PRKCA: variants seen among roughly 807,000 people sequenced by gnomAD.
PRKCA encodes protein kinase C alpha type.
In PRKCA, 27 loss-of-function variants were observed where a neutral mutation model predicts 87.0. The ratio of observed to expected loss-of-function variants is 0.31; its 90% CI spans 0.23 to 0.43. The LOEUF (loss-of-function observed/expected upper bound fraction) is 0.43. Ranked by LOEUF, PRKCA falls within the 20% of genes least tolerant of loss-of-function variation. The probability of loss-of-function intolerance (pLI) is 1.00; values close to 1 mark genes in which losing one functional copy is unlikely to be tolerated. For synonymous variants in PRKCA, 329 were observed against 311.1 expected (o/e 1.06, Z -0.61); for missense variants, 518 against 852.3 (o/e 0.61, Z 4.88).
At chr17:66,581,689 A>G (rs965765515) in intron 3 of PRKCA, among the ~76,000 whole-genome samples, 1 of 152,028 alleles carries the variant, frequency 6.6e-6, no homozygotes, top group Non-Finnish European at 1.5e-5. Context: ...TTTAGCCAGG[A>G]TGGTCTCAAT....
chr17:66,461,072 A>G (rs1056240879), intron 2 of PRKCA, among the ~76,000 whole-genome samples: 2 of 152,094 alleles, frequency 1.3e-5, no homozygotes, highest in East Asian at 3.9e-4. Flanking sequence ...CGGGTGTGAT[A>G]GTACACGCCT....
chr17:66,717,251 T>C (rs1973500548), intron 8 of PRKCA, among the ~76,000 whole-genome samples: 1 of 152,240 alleles, frequency 6.6e-6, no homozygotes, highest in African/African-American at 2.4e-5. Context: ...AAGGCTTTAT[T>C]GGAACACCTT....
intron 3 of PRKCA, among the ~76,000 whole-genome samples, chr17:66,508,231 C>T (rs899551048): frequency 4.6e-5 from 7 of 152,142 alleles, no homozygotes; most frequent in Non-Finnish European, 7.4e-5. Flanking sequence ...GTGGGAAGGT[C>T]CATTCTAATT....
At chr17:66,777,614 C>G (rs957673272) in intron 14 of PRKCA, 5 of 985,304 alleles carry the variant, frequency 5.1e-6, no homozygotes, top group Non-Finnish European at 6.0e-6. Flanking sequence ...TTACAGGCCC[C>G]CTAAGAGTCC....
At chr17:66,647,542 G>A (rs895025887) in intron 5 of PRKCA, among the ~76,000 whole-genome samples, 2 of 152,342 alleles carry the variant, frequency 1.3e-5, no homozygotes, top group African/African-American at 4.8e-5. Context: ...AATAAAAGCA[G>A]CAACCATATG....
intron 2 of PRKCA, among the ~76,000 whole-genome samples, chr17:66,434,614 A>G (rs1162789745): frequency 1.3e-5 from 2 of 150,084 alleles, no homozygotes; most frequent in Non-Finnish European, 3.0e-5. Flanking sequence ...CTGGAAGCAC[A>G]GAGCCAGATG....
chr17:66,777,571 T>C (rs1975087650), intron 14 of PRKCA: 1 of 984,878 alleles, frequency 1.0e-6, no homozygotes, highest in African/African-American at 1.8e-5. Flanking sequence ...TTTCCCCCTC[T>C]TTAAAATTTT....
chr17:66,528,330 C>T (rs1175147924), intron 3 of PRKCA, among the ~76,000 whole-genome samples: 3 of 152,154 alleles, frequency 2.0e-5, no homozygotes, highest in Non-Finnish European at 1.5e-5. Context: ...TGCCTTCCCC[C>T]TGAAGATATC....
chr17:66,767,222 T>A (rs1437942718), intron 13 of PRKCA, among the ~76,000 whole-genome samples: 1 of 152,188 alleles, frequency 6.6e-6, no homozygotes, highest in Non-Finnish European at 1.5e-5. Context: ...TTGGAAACTG[T>A]GACTTCAAGT....
At chr17:66,744,064 A>C (rs2144241608) in intron 13 of PRKCA, among the ~76,000 whole-genome samples, 1 of 152,266 alleles carries the variant, frequency 6.6e-6, no homozygotes, top group East Asian at 1.9e-4. Context: ...TTATTCCAAA[A>C]GGGAAGCTGC....
intron 3 of PRKCA, among the ~76,000 whole-genome samples, chr17:66,521,948 GAAGGA>G (rs1272752246): frequency 6.6e-6 from 1 of 152,198 alleles, no homozygotes; most frequent in Admixed American, 6.5e-5. Context: ...ATACTTGAGT[GAAGGA>G]AAGAATTGAG....
intron 3 of PRKCA, among the ~76,000 whole-genome samples, chr17:66,610,785 C>T (rs1180103161): frequency 6.6e-6 from 1 of 152,138 alleles, no homozygotes; most frequent in Non-Finnish European, 1.5e-5. Context: ...GGTTGGACTG[C>T]ACAACCTAAG....
intron 3 of PRKCA, among the ~76,000 whole-genome samples, chr17:66,498,400 GC>G (rs1401999743): frequency 6.6e-6 from 1 of 151,678 alleles, no homozygotes; most frequent in Admixed American, 6.6e-5. Flanking sequence ...TCCCATTTCT[GC>G]CCCATCAAGA....
intron 3 of PRKCA, among the ~76,000 whole-genome samples, chr17:66,619,085 G>A (rs866644222): frequency 6.7e-6 from 1 of 148,274 alleles, no homozygotes; most frequent in East Asian, 2.0e-4. Context: ...TCATAGTCTT[G>A]GCATTTTTTT....
chr17:66,679,041 A>G (rs1457000314), intron 5 of PRKCA, among the ~76,000 whole-genome samples: 1 of 152,084 alleles, frequency 6.6e-6, no homozygotes, highest in East Asian at 1.9e-4. Context: ...CATGGTCTTC[A>G]TTGATTCAGT....
At chr17:66,509,504 C>T (rs1917131883) in intron 3 of PRKCA, among the ~76,000 whole-genome samples, 1 of 152,114 alleles carries the variant, frequency 6.6e-6, no homozygotes, top group African/African-American at 2.4e-5. Flanking sequence ...AGAATCCTCT[C>T]TTACTTGGAG....
chr17:66,569,758 A>C (rs1372940145), intron 3 of PRKCA, among the ~76,000 whole-genome samples: 1 of 152,206 alleles, frequency 6.6e-6, no homozygotes, highest in African/African-American at 2.4e-5. Flanking sequence ...CGTAAGAAAG[A>C]ATAAAATGAA....
At chr17:66,526,971 C>G (rs1967366548) in intron 3 of PRKCA, among the ~76,000 whole-genome samples, 1 of 152,118 alleles carries the variant, frequency 6.6e-6, no homozygotes, top group South Asian at 2.1e-4. Context: ...TGGGCCACAT[C>G]CTGCCCAAGG....
At chr17:66,730,642 T>C (rs1973862557) in intron 8 of PRKCA, among the ~76,000 whole-genome samples, 1 of 152,222 alleles carries the variant, frequency 6.6e-6, no homozygotes, top group Admixed American at 6.5e-5. Flanking sequence ...TAGCATACGA[T>C]GAGCAGCCAG....
Sources: gnomAD v4.1 joint callset for allele counts (sites outside exome capture counted in the v4.1 genomes callset) on GRCh38, gnomAD v4.1.1 for gene constraint, MANE v1.5 for transcripts, NCBI Gene and HGNC (gene_info 2026-07-23, HGNC 2026-07-21) for gene names.